Variants in WDR70 observed in about 807,000 individuals in gnomAD.
WDR70 encodes WD repeat-containing protein 70.
WDR70 carries 53 observed loss-of-function variants against 88.6 expected under a neutral mutation model. The ratio of observed to expected loss-of-function variants is 0.60; its 90% CI spans 0.48 to 0.75. The LOEUF is 0.75. WDR70 is among the 30% of genes least tolerant of loss of function. The probability of loss-of-function intolerance (pLI) is 0.00; values close to 1 mark genes in which losing one functional copy is unlikely to be tolerated. For missense variants in WDR70, 610 were observed against 823.2 expected (o/e 0.74, Z 3.17); for synonymous variants, 280 against 270.0 (o/e 1.04, Z -0.36).
chr5:37,400,756 C>T (rs1362105214), intron 5 of WDR70, among the ~76,000 whole-genome samples: 1 of 152,120 alleles, frequency 6.6e-6, no homozygotes, highest in Non-Finnish European at 1.5e-5. Flanking sequence ...GTTTGCAAGG[C>T]TGACTAATGG....
intron 9 of WDR70, among the ~76,000 whole-genome samples, chr5:37,587,499 A>G (rs1367156722): frequency 1.3e-5 from 2 of 151,888 alleles, no homozygotes; most frequent in African/African-American, 2.4e-5. Context: ...GCTCTCCCCA[A>G]AAGTCACACC....
At chr5:37,653,268 C>A (rs960494510) in intron 10 of WDR70, among the ~76,000 whole-genome samples, 6 of 152,168 alleles carry the variant, frequency 3.9e-5, no homozygotes, top group African/African-American at 1.4e-4. Context: ...GTTGAACCAG[C>A]CTTGCATCCC....
At chr5:37,500,298 A>G (rs1740368439) in intron 8 of WDR70, among the ~76,000 whole-genome samples, 2 of 152,208 alleles carry the variant, frequency 1.3e-5, no homozygotes, top group African/African-American at 4.8e-5. Flanking sequence ...GTATTTTTTC[A>G]TGGTGTATAC....
intron 6 of WDR70, among the ~76,000 whole-genome samples, chr5:37,442,694 A>C (rs1750694460): frequency 6.6e-6 from 1 of 152,238 alleles, no homozygotes; most frequent in Non-Finnish European, 1.5e-5. Flanking sequence ...ATTCAGCTTT[A>C]AAAATAATTG....
chr5:37,606,882 TCCCCC>T (rs1744042334), intron 10 of WDR70, among the ~76,000 whole-genome samples: 1 of 83,024 alleles, frequency 1.2e-5, no homozygotes, highest in African/African-American at 6.1e-5. Context: ...AATTCCTTGC[TCCCCC>T]CTCCCCTCCC....
rs559630890 is a variant in WDR70 at position 37,571,476 on chromosome 5, C to T, written c.918-33588C>T. Among the ~76,000 whole-genome samples, 3 of 152,258 alleles carry T rather than the reference C, an allele frequency of 2.0e-5. No individual in the cohort carries two copies. The South Asian group carries it at 6.2e-4, about 32-fold the overall frequency. ...GATGTTGGAATAAATTTGATAACTT[C>T]TGGAGGATTATTTTAAGTCCATGTA... is the stretch of plus-strand genomic sequence containing the variant. On this transcript the variant is annotated intron_variant, in intron 9 of 17. Transcript: ENST00000265107.
chr5:37,421,405 C>G (rs1040743731), intron 5 of WDR70, among the ~76,000 whole-genome samples: 4 of 152,202 alleles, frequency 2.6e-5, no homozygotes, highest in Non-Finnish European at 5.9e-5. Flanking sequence ...CAGTGGCATT[C>G]TATGTAAGCT....
At chr5:37,393,501 G>A (rs143271204) in intron 4 of WDR70, among the ~76,000 whole-genome samples, 1 of 151,952 alleles carries the variant, frequency 6.6e-6, no homozygotes, top group Non-Finnish European at 1.5e-5. Context: ...GTTTATTGTT[G>A]TAAATGTCCT....
At chr5:37,557,172 C>T (rs138900342) in intron 9 of WDR70, among the ~76,000 whole-genome samples, 325 of 151,018 alleles carry the variant, frequency 2.2e-3, no homozygotes, top group African/African-American at 7.6e-3. Flanking sequence ...AGCATGGTTA[C>T]CTGTTGTTTC....
chr5:37,658,309 A>G (rs1745611293), intron 10 of WDR70, among the ~76,000 whole-genome samples: 1 of 151,978 alleles, frequency 6.6e-6, no homozygotes, highest in African/African-American at 2.4e-5. Context: ...TAAAAAAGAC[A>G]CATATTCACA....
chr5:37,392,194 T>TTA, intron 4 of WDR70, 74 bp downstream of exon 4: 1 of 1,393,676 alleles, frequency 7.2e-7, no homozygotes, highest in Non-Finnish European at 9.6e-7. Context: ...TTTTTTTTTT[T>TTA]AATTTTTTTG....
intron 9 of WDR70, among the ~76,000 whole-genome samples, chr5:37,528,594 G>A (rs1302656103): frequency 6.6e-6 from 1 of 151,794 alleles, no homozygotes; most frequent in African/African-American, 2.4e-5. Flanking sequence ...AAACCTGCAC[G>A]TTGTACACAT....
chr5:37,494,540 A>G (rs879588576), intron 8 of WDR70, among the ~76,000 whole-genome samples: 4 of 152,186 alleles, frequency 2.6e-5, no homozygotes, highest in Non-Finnish European at 4.4e-5. Context: ...ATGCTGAGAG[A>G]GTGGTTCAAG....
rs1222625970 is a variant in WDR70 at position 37,697,566 on chromosome 5, A to T, written c.1093-89A>T. On this transcript the variant is annotated intron_variant, in intron 10 of 17. Transcript: ENST00000265107. Reference sequence around the variant, plus strand: ...TTGCTTATAGGTGTGTATTATTTTCATCGTAATAAAGTGAAATGTTCTTGC... The same window carrying T: ...TTGCTTATAGGTGTGTATTATTTTCTTCGTAATAAAGTGAAATGTTCTTGC... 4 of 1,052,388 alleles carry T rather than the reference A, an allele frequency of 3.8e-6. No individual in the cohort carries two copies. In the African/African-American group the frequency reaches 4.7e-5, roughly 12 times the overall value. The allele number at this position is 1,052,388 out of a possible 1,614,324, so 65.2% of individuals were successfully genotyped here. A position where few individuals can be genotyped will look rare whatever the true frequency, so the allele number is the denominator to read the frequency against.
At position 37,701,040 on chromosome 5, in the gene WDR70, C is replaced by T; in HGVS notation, c.1193-18C>T. 2 of 1,528,746 alleles carry T rather than the reference C, an allele frequency of 1.3e-6. No individual in the cohort carries two copies. Among genetic ancestry groups the T allele is most frequent in the Admixed American group, 3.5e-5 (2 of 57,730 alleles). The allele number at this position is 1,528,746 out of a possible 1,614,324, so 94.7% of individuals were successfully genotyped here. On this transcript the variant is annotated intron_variant, in intron 11 of 17. Transcript: ENST00000265107. ...AATTCACTTTTCTGTCTTTTTTTTCCCCTCATTCCTCTGTCAGGTGACGAT... is the reference window on the plus strand; with the variant it reads ...AATTCACTTTTCTGTCTTTTTTTTCTCCTCATTCCTCTGTCAGGTGACGAT...
chr5:37,463,289 T>A (rs1056348805), intron 7 of WDR70, among the ~76,000 whole-genome samples: 3 of 148,042 alleles, frequency 2.0e-5, no homozygotes, highest in Non-Finnish European at 4.5e-5. Flanking sequence ...AAAAAAAGAC[T>A]GAGTCTAGTG....
chr5:37,397,681 A>G (rs1478166408), intron 5 of WDR70, among the ~76,000 whole-genome samples: 1 of 152,192 alleles, frequency 6.6e-6, no homozygotes, highest in African/African-American at 2.4e-5. Flanking sequence ...TAAGCCAAGT[A>G]TATAAGTTTA....
chr5:37,398,054 G>A (rs546647845), intron 5 of WDR70, among the ~76,000 whole-genome samples: 2 of 150,666 alleles, frequency 1.3e-5, no homozygotes, highest in African/African-American at 2.4e-5. Flanking sequence ...GAAGGAAATG[G>A]TCTACATTTG....
intron 9 of WDR70, among the ~76,000 whole-genome samples, chr5:37,588,560 A>T (rs1743431747): frequency 6.7e-6 from 1 of 148,464 alleles, no homozygotes; most frequent in South Asian, 2.1e-4. Flanking sequence ...TCTCCATACT[A>T]TATTTAAGGT....
Sources: gnomAD v4.1 joint callset for allele counts (sites outside exome capture counted in the v4.1 genomes callset) on GRCh38, gnomAD v4.1.1 for gene constraint, MANE v1.5 for transcripts, NCBI Gene and HGNC (gene_info 2026-07-23, HGNC 2026-07-21) for gene names.